Variants in MIPOL1 observed in about 807,000 individuals in gnomAD.
MIPOL1 encodes mirror-image polydactyly 1.
MIPOL1 carries 57 observed loss-of-function variants against 60.9 expected under a neutral mutation model. The ratio of observed to expected loss-of-function variants is 0.94; its 90% CI spans 0.76 to 1.17. The LOEUF is 1.17. Ranked by LOEUF, MIPOL1 falls within the 50% of genes most tolerant of loss-of-function variation. The pLI is 0.00. For missense variants in MIPOL1, 551 were observed against 511.6 expected (o/e 1.08, Z -0.74); for synonymous variants, 179 against 168.8 (o/e 1.06, Z -0.47).
At chr14:37,511,873 G>A (rs1292828726) in intron 12 of MIPOL1, among the ~76,000 whole-genome samples, 1 of 152,042 alleles carries the variant, frequency 6.6e-6, no homozygotes, top group Admixed American at 6.6e-5. Flanking sequence ...GTTATATACT[G>A]TAACTATATA....
intron 6 of MIPOL1, among the ~76,000 whole-genome samples, chr14:37,279,692 A>C (rs2083947496): frequency 6.6e-6 from 1 of 152,054 alleles, no homozygotes; most frequent in Non-Finnish European, 1.5e-5. Flanking sequence ...CAAATTTATG[A>C]AGTGCAATGT....
intron 11 of MIPOL1, among the ~76,000 whole-genome samples, chr14:37,470,686 A>G (rs539406981): frequency 6.6e-6 from 1 of 152,254 alleles, no homozygotes; most frequent in South Asian, 2.1e-4. Flanking sequence ...TAACAGACTA[A>G]TACACCGTCA....
At chr14:37,230,947 C>CTCTA (rs926454752) in intron 1 of MIPOL1, among the ~76,000 whole-genome samples, 5 of 152,110 alleles carry the variant, frequency 3.3e-5, no homozygotes, top group South Asian at 2.1e-4. Context: ...TTCCATATAT[C>CTCTA]TCTATCTATC....
intron 9 of MIPOL1, among the ~76,000 whole-genome samples, chr14:37,341,107 A>G (rs751872734): frequency 5.3e-5 from 8 of 152,194 alleles, no homozygotes; most frequent in Non-Finnish European, 1.0e-4. Flanking sequence ...CACAACAACA[A>G]AATAGCCTAA....
At chr14:37,505,414 G>C (rs1473441512) in intron 12 of MIPOL1, 1 of 152,154 alleles carries the variant, frequency 6.6e-6, no homozygotes, top group Non-Finnish European at 1.5e-5. Flanking sequence ...CCATGATCAA[G>C]TCAGCTTCAT....
intron 3 of MIPOL1, among the ~76,000 whole-genome samples, chr14:37,251,527 A>C (rs950626746): frequency 1.3e-5 from 2 of 151,994 alleles, no homozygotes; most frequent in African/African-American, 4.8e-5. Context: ...GTTTTTGTGA[A>C]AACTTCTATT....
At chr14:37,374,095 A>G (rs184982233) in intron 10 of MIPOL1, among the ~76,000 whole-genome samples, 33 of 152,278 alleles carry the variant, frequency 2.2e-4, no homozygotes, top group Non-Finnish European at 4.6e-4. Context: ...ATGAGATGGT[A>G]TCTCATTGTG....
chr14:37,281,319 G>A (rs2084087095), intron 6 of MIPOL1, among the ~76,000 whole-genome samples: 1 of 152,168 alleles, frequency 6.6e-6, no homozygotes, highest in African/African-American at 2.4e-5. Context: ...GACCATAATT[G>A]TGTGGATTTA....
intron 11 of MIPOL1, among the ~76,000 whole-genome samples, chr14:37,450,169 A>C (rs1360635356): frequency 6.6e-6 from 1 of 150,590 alleles, no homozygotes; most frequent in Admixed American, 6.6e-5. Flanking sequence ...CCATCCTGTC[A>C]CTCTTAATTT....
At chr14:37,481,198 C>T (rs1239803383) in intron 11 of MIPOL1, among the ~76,000 whole-genome samples, 2 of 151,940 alleles carry the variant, frequency 1.3e-5, no homozygotes, top group African/African-American at 4.8e-5. Context: ...ATCAACACCC[C>T]GAAATCCATA....
intron 9 of MIPOL1, among the ~76,000 whole-genome samples, chr14:37,335,271 A>C (rs754120069): frequency 6.6e-6 from 1 of 152,100 alleles, no homozygotes; most frequent in Non-Finnish European, 1.5e-5. Flanking sequence ...AATATACATA[A>C]CATAAATATA....
At chr14:37,356,172 G>A (rs945890120) in intron 9 of MIPOL1, among the ~76,000 whole-genome samples, 1 of 151,802 alleles carries the variant, frequency 6.6e-6, no homozygotes, top group Non-Finnish European at 1.5e-5. Flanking sequence ...TGCTGTGTGA[G>A]GTGTCAGTCT....
At chr14:37,388,977 A>T (rs1454258642) in intron 10 of MIPOL1, among the ~76,000 whole-genome samples, 3 of 152,082 alleles carry the variant, frequency 2.0e-5, no homozygotes, top group Non-Finnish European at 4.4e-5. Flanking sequence ...AGGAAAAAAA[A>T]GTTTTTTATC....
At chr14:37,206,856 C>G (rs1042221076) in intron 1 of MIPOL1, among the ~76,000 whole-genome samples, 1 of 152,216 alleles carries the variant, frequency 6.6e-6, no homozygotes, top group African/African-American at 2.4e-5. Flanking sequence ...TGGCCAATTT[C>G]TCCCATTTGG....
chr14:37,498,289 T>C (rs1010944466), intron 11 of MIPOL1, among the ~76,000 whole-genome samples: 1 of 152,236 alleles, frequency 6.6e-6, no homozygotes, highest in Non-Finnish European at 1.5e-5. Flanking sequence ...ATACTTTGTA[T>C]ATATGCACTT....
At chr14:37,460,236 C>T (rs2094524572) in intron 11 of MIPOL1, among the ~76,000 whole-genome samples, 2 of 152,066 alleles carry the variant, frequency 1.3e-5, no homozygotes, top group South Asian at 4.1e-4. Flanking sequence ...ATGTAATTCA[C>T]TACATAAACA....
intron 9 of MIPOL1, among the ~76,000 whole-genome samples, chr14:37,355,840 C>T (rs2091775087): frequency 6.7e-6 from 1 of 149,994 alleles, no homozygotes; most frequent in African/African-American, 2.4e-5. Flanking sequence ...AACTTCTTTG[C>T]CTTTGGTTTG....
rs112764325 is a variant in MIPOL1 at position 37,233,050 on chromosome 14, G to A, written c.-198-14053G>A. Reference sequence around the variant, plus strand: ...TATGGCTTCATCTTTTTAAATTGATGCCAGTCTTGACCAGTCTTTTGGAAG... The same window carrying A: ...TATGGCTTCATCTTTTTAAATTGATACCAGTCTTGACCAGTCTTTTGGAAG... On this transcript the variant is annotated intron_variant, in intron 1 of 12. Transcript: ENST00000684589. 1.4e-4 allele frequency among the ~76,000 whole-genome samples: 21 copies of A among 152,278 alleles called. 1 individual carries two copies. Among genetic ancestry groups the A allele is most frequent in the African/African-American group, 3.8e-4 (16 of 41,566 alleles).
At chr14:37,407,590 C>G (rs548817929) in intron 10 of MIPOL1, among the ~76,000 whole-genome samples, 1 of 152,124 alleles carries the variant, frequency 6.6e-6, no homozygotes, top group Non-Finnish European at 1.5e-5. Flanking sequence ...AACTGAACCA[C>G]ACCAGCTGCT....
Sources: allele counts gnomAD v4.1 joint callset (sites outside exome capture counted in the v4.1 genomes callset), GRCh38; gene constraint gnomAD v4.1.1; transcripts MANE v1.5; gene names NCBI Gene and HGNC (gene_info 2026-07-23, HGNC 2026-07-21).